TTC3: variants seen among roughly 807,000 people sequenced by gnomAD.
TTC3 encodes the protein E3 ubiquitin-protein ligase TTC3.
A neutral mutation model predicts 249.6 loss-of-function variants in TTC3; 180 were observed. The ratio of observed to expected loss-of-function variants is 0.72; its 90% CI spans 0.64 to 0.82. The LOEUF is 0.82. Among genes scored for constraint, TTC3 ranks in the 40% least tolerant of loss-of-function variants. The probability of loss-of-function intolerance (pLI) is 0.00; values close to 1 mark genes in which losing one functional copy is unlikely to be tolerated. For synonymous variants in TTC3, 717 were observed against 805.0 expected (o/e 0.89, Z 1.85); for missense variants, 2,061 against 2,398.4 (o/e 0.86, Z 2.94).
At chr21:37,182,372 A>G (rs1234978788) in intron 35 of TTC3, among the ~76,000 whole-genome samples, 1 of 152,348 alleles carries the variant, frequency 6.6e-6, no homozygotes, top group Non-Finnish European at 1.5e-5. Context: ...TCTCAACCCA[A>G]ATGCCTTTAA....
intron 30 of TTC3, 90 bp downstream of exon 30, chr21:37,160,948 A>G: frequency 7.8e-7 from 1 of 1,275,860 alleles, no homozygotes; most frequent in Non-Finnish European, 1.1e-6. Flanking sequence ...TTCTTGGGAT[A>G]TTTTGAAACA....
chr21:37,140,717 A>G, intron 20 of TTC3, 44 bp downstream of exon 20: 1 of 1,335,938 alleles, frequency 7.5e-7, no homozygotes, highest in Non-Finnish European at 1.0e-6. Context: ...CTGGTAACTC[A>G]TTTAAAATCC....
At chr21:37,117,781 A>G (rs2076262457) in intron 11 of TTC3, among the ~76,000 whole-genome samples, 1 of 150,602 alleles carries the variant, frequency 6.6e-6, no homozygotes, top group Non-Finnish European at 1.5e-5. Flanking sequence ...AAGGTGGGAT[A>G]ATCACCTGAG....
intron 21 of TTC3, among the ~76,000 whole-genome samples, chr21:37,146,449 G>A (rs1166989805): frequency 6.6e-6 from 1 of 152,158 alleles, no homozygotes; most frequent in East Asian, 1.9e-4. Flanking sequence ...AGCCCAGGAG[G>A]CAGAGGTTGC....
At chr21:37,163,044 A>C (rs147152658) in intron 31 of TTC3, among the ~76,000 whole-genome samples, 1,560 of 152,340 alleles carry the variant, frequency 0.01, 16 homozygotes, top group East Asian at 0.03. Flanking sequence ...TCAACATATG[A>C]GTTTTGCAGA....
At chr21:37,194,075 G>T (rs538352416) in intron 41 of TTC3, 5 of 152,182 alleles carry the variant, frequency 3.3e-5, no homozygotes, top group Non-Finnish European at 7.3e-5. Context: ...CCAGTATGAC[G>T]CAGGGGCAAA....
At chr21:37,154,623 C>T (rs2079818052) in intron 27 of TTC3, among the ~76,000 whole-genome samples, 1 of 152,198 alleles carries the variant, frequency 6.6e-6, no homozygotes, top group South Asian at 2.1e-4. Flanking sequence ...GTAAATGCAG[C>T]ACTTGAGCCC....
chr21:37,138,531 G>C (rs893879591), intron 18 of TTC3, 103 bp from the exon 19 acceptor site: 13 of 692,232 alleles, frequency 1.9e-5, no homozygotes, highest in Non-Finnish European at 3.0e-5. Context: ...TGATTCGTAA[G>C]ATTGATTAGT....
chr21:37,108,576 A>G (rs1568937699), intron 11 of TTC3, 130 bp downstream of exon 11: 19 of 860,600 alleles, frequency 2.2e-5, no homozygotes, highest in Non-Finnish European at 3.0e-5. Context: ...GTGAAAGGGG[A>G]GTCATCAGAT....
chr21:37,163,493 G>C (rs2080962532), intron 31 of TTC3, among the ~76,000 whole-genome samples: 1 of 152,168 alleles, frequency 6.6e-6, no homozygotes, highest in Non-Finnish European at 1.5e-5. Flanking sequence ...TGGGATTACA[G>C]CCATGCGCCA....
chr21:37,158,018 T>C (rs990375159), intron 28 of TTC3: 2 of 517,678 alleles, frequency 3.9e-6, no homozygotes, highest in Middle Eastern at 9.8e-4. Flanking sequence ...CCTTGTACGA[T>C]GGTGTCACAG....
chr21:37,172,587 A>G lies in TTC3; in HGVS notation c.4468-8A>G. ...TTTTTAATAGATTGTTTTGTAATTC[A>G]CTTTTAGGGGGAAATTTCACGGATT... On this transcript the variant is annotated splice_region_variant and splice_polypyrimidine_tract_variant and intron_variant, in intron 34 of 45. Transcript: ENST00000355666. 6.2e-7 allele frequency: 1 copy of G among 1,605,140 alleles called. No homozygotes were observed.
chr21:37,095,166 T>TGTGTGTG (rs1601364935), intron 8 of TTC3, among the ~76,000 whole-genome samples, 184 bp from the exon 9 acceptor site: 3 of 149,190 alleles, frequency 2.0e-5, no homozygotes, highest in Non-Finnish European at 4.5e-5. Context: ...TGTGTGTGTA[T>TGTGTGTG]AGTGGGTGTG....
intron 11 of TTC3, among the ~76,000 whole-genome samples, chr21:37,114,128 G>T (rs2075917270): frequency 6.6e-6 from 1 of 152,070 alleles, no homozygotes; most frequent in Admixed American, 6.5e-5. Flanking sequence ...ATAGGCATGG[G>T]CAAGGACTTC....
rs763061229 is a variant in TTC3, at chr21:37,132,667, CT to C, written c.1359-8del. The stretch of plus-strand genomic sequence containing the variant: ...TATTTTAAAATGATTTTTAAAAATG[CT>C]TTTTTTCTTTTAGTTCTAGTTCACC... On this transcript the variant is annotated splice_polypyrimidine_tract_variant and intron_variant, in intron 16 of 45. Transcript: ENST00000355666. The C allele has an allele frequency of 3.2e-6, 5 of 1,571,324 alleles. No individual in the cohort carries two copies. Among genetic ancestry groups the C allele is most frequent in the East Asian group, 2.3e-5 (1 of 43,994 alleles).
chr21:37,166,326 T>C, exon 33 of TTC3: 1 of 1,614,180 alleles, frequency 6.2e-7, no homozygotes, highest in Non-Finnish European at 8.5e-7. Flanking sequence ...GTGCCGTCTT[T>C]TGTAGCCAAT....
chr21:37,142,690 A>G (rs915919892), intron 20 of TTC3, among the ~76,000 whole-genome samples: 1 of 152,232 alleles, frequency 6.6e-6, no homozygotes, highest in Admixed American at 6.5e-5. Context: ...TTATAGATTC[A>G]ATGCCATCCC....
chr21:37,158,884 T>G (rs1230727098), intron 28 of TTC3, among the ~76,000 whole-genome samples: 1 of 152,170 alleles, frequency 6.6e-6, no homozygotes, highest in Non-Finnish European at 1.5e-5. Flanking sequence ...GCCAAGACCT[T>G]AGTTGTCTTT....
exon 33 of TTC3, chr21:37,166,149 A>G (rs1385804225): frequency 1.2e-6 from 2 of 1,614,166 alleles, no homozygotes; most frequent in Non-Finnish European, 8.5e-7. Context: ...GCTCAATCCC[A>G]TTTGGTCACA....
Sources: gnomAD v4.1 joint callset for allele counts (sites outside exome capture counted in the v4.1 genomes callset) on GRCh38, gnomAD v4.1.1 for gene constraint, MANE v1.5 for transcripts, NCBI Gene and HGNC (gene_info 2026-07-23, HGNC 2026-07-21) for gene names.